EYA1: variants seen among roughly 807,000 people sequenced by gnomAD.
EYA1 encodes the protein EYA transcriptional coactivator and phosphatase 1.
Under a neutral mutation model 82.0 loss-of-function variants are expected in EYA1, and 16 were observed. The ratio of observed to expected loss-of-function variants is 0.20; its 90% CI spans 0.13 to 0.30. The LOEUF (loss-of-function observed/expected upper bound fraction) is 0.30. EYA1 is among the 10% of genes least tolerant of loss of function. The pLI is 1.00. For missense variants in EYA1, 633 were observed against 730.7 expected (o/e 0.87, Z 1.54); for synonymous variants, 261 against 264.4 (o/e 0.99, Z 0.12).
In EYA1 at chr8:71,198,784, T is replaced by C. The variant is rs553030149; in HGVS notation, c.*556A>G. ...TGCTATTGTCTCTTCAATTATTTGA[T>C]GTTTAAAAAAGTCTGGTGGGTGAAT... On this transcript the variant is annotated 3_prime_UTR_variant, in exon 18 of 18. Coordinates refer to ENST00000340726, the MANE Select transcript of EYA1 (RefSeq NM_000503.6). 2.9e-4 allele frequency: 44 copies of C among 149,832 alleles called. 1 individual carries two copies. In the South Asian group the frequency reaches 7.4e-3, roughly 25 times the overall value. 9.3% of individuals were successfully genotyped at this position (149,832 alleles called of 1,614,324 possible).
At chr8:71,353,423 A>C (rs531652352) in intron 3 of EYA1, among the ~76,000 whole-genome samples, 1 of 152,340 alleles carries the variant, frequency 6.6e-6, no homozygotes, top group South Asian at 2.1e-4. Context: ...GCCTATCAAA[A>C]TGGGAAGAAA....
At chr8:71,287,395 T>C (rs1334384195) in intron 9 of EYA1, among the ~76,000 whole-genome samples, 1 of 152,214 alleles carries the variant, frequency 6.6e-6, no homozygotes, top group Non-Finnish European at 1.5e-5. Flanking sequence ...TTGACTTCTC[T>C]ACCTGTATTC....
chr8:71,433,876 T>A (rs778245129), intron 2 of EYA1, among the ~76,000 whole-genome samples: 6 of 152,236 alleles, frequency 3.9e-5, no homozygotes, highest in Non-Finnish European at 8.8e-5. Flanking sequence ...TGATTTGTAT[T>A]TCAGTGGAAA....
At chr8:71,353,171 G>C (rs562394168) in intron 3 of EYA1, among the ~76,000 whole-genome samples, 4 of 152,340 alleles carry the variant, frequency 2.6e-5, no homozygotes, top group African/African-American at 9.6e-5. Flanking sequence ...GCCTTCTGCA[G>C]CTCCTGTCAG....
At chr8:71,380,905 A>C (rs1828665183) in intron 2 of EYA1, among the ~76,000 whole-genome samples, 1 of 152,200 alleles carries the variant, frequency 6.6e-6, no homozygotes, top group South Asian at 2.1e-4. Context: ...TCAACCTCTG[A>C]GGGCCTTGCC....
At chr8:71,494,835 T>C (rs964117957) in intron 2 of EYA1, among the ~76,000 whole-genome samples, 2 of 152,122 alleles carry the variant, frequency 1.3e-5, no homozygotes, top group Admixed American at 6.5e-5. Context: ...TGTGAATATT[T>C]TAAAGCCAAA....
intron 11 of EYA1, among the ~76,000 whole-genome samples, chr8:71,247,281 G>A (rs557622827): frequency 1.3e-4 from 20 of 152,262 alleles, no homozygotes; most frequent in South Asian, 4.1e-4. Context: ...AACAGAGTAC[G>A]TGAAATATGG....
Position 71,317,553 on chromosome 8 carries a change from T to C in EYA1, c.555A>G (p.Gln185=). ...PGQAPYSYQM[Q]GSSFTTSSGI... ...AAATAGCAATGTGTATATACAGACCTTGCATCTGGTAGCTGTATGGTGCCT... is the reference window on the plus strand; with the variant it reads ...AAATAGCAATGTGTATATACAGACCCTGCATCTGGTAGCTGTATGGTGCCT... The change falls in exon 7 of 18, where the codon CAA becomes CAG. Residue 185 remains glutamine (Q), a splice_region_variant and synonymous_variant. Coordinates refer to ENST00000340726, the MANE Select transcript of EYA1 (RefSeq NM_000503.6). The C allele has an allele frequency of 6.2e-7, 1 of 1,614,104 alleles. No individual in the cohort carries two copies. The highest frequency in any genetic ancestry group is 8.5e-7 in the Non-Finnish European group (1 of 1,179,972).
chr8:71,509,656 T>C (rs1812450601), intron 2 of EYA1, among the ~76,000 whole-genome samples: 1 of 152,200 alleles, frequency 6.6e-6, no homozygotes, highest in Non-Finnish European at 1.5e-5. Context: ...TCGGCCAATG[T>C]AAGTCAATAA....
chr8:71,240,087 T>A (rs1223401455), intron 12 of EYA1, among the ~76,000 whole-genome samples: 21 of 152,216 alleles, frequency 1.4e-4, no homozygotes, highest in Admixed American at 1.4e-3. Flanking sequence ...AAAATATTAT[T>A]GCAACTTTAA....
intron 2 of EYA1, among the ~76,000 whole-genome samples, chr8:71,377,941 T>G (rs1040785520): frequency 6.6e-6 from 1 of 152,114 alleles, no homozygotes; most frequent in Admixed American, 6.6e-5. Context: ...AACCACCTTT[T>G]GCCTCATTTT....
At chr8:71,516,399 G>C (rs1309687336) in intron 2 of EYA1, among the ~76,000 whole-genome samples, 1 of 152,100 alleles carries the variant, frequency 6.6e-6, no homozygotes, top group African/African-American at 2.4e-5. Flanking sequence ...AGGACAACTA[G>C]TTGGAGTTAC....
At chr8:71,270,609 A>C (rs1441429774) in intron 10 of EYA1, among the ~76,000 whole-genome samples, 1 of 152,222 alleles carries the variant, frequency 6.6e-6, no homozygotes, top group Non-Finnish European at 1.5e-5. Flanking sequence ...CAGCCAAAAT[A>C]ATCATGTTTT....
chr8:71,493,733 A>G (rs1811187576), intron 2 of EYA1, among the ~76,000 whole-genome samples: 1 of 151,844 alleles, frequency 6.6e-6, no homozygotes, highest in Non-Finnish European at 1.5e-5. Flanking sequence ...TCATTTTAAG[A>G]GGCTTTTTGG....
At chr8:71,217,946 A>C (rs968208910) in intron 12 of EYA1, among the ~76,000 whole-genome samples, 3 of 152,178 alleles carry the variant, frequency 2.0e-5, no homozygotes, top group African/African-American at 7.2e-5. Flanking sequence ...TGTGGGAAGA[A>C]CAGGCACTCA....
rs550978108 is a variant in EYA1, at chr8:71,222,738, CTAAA to C, written c.1141-5719_1141-5716del. On this transcript the variant is annotated intron_variant, in intron 12 of 17. Coordinates refer to ENST00000340726, the MANE Select transcript of EYA1 (RefSeq NM_000503.6). ...TATGAAAAATAAAGATTCAGAAAAG[CTAAA>C]TAATGTGAGATAAATGCTGCGATGC... Among the ~76,000 whole-genome samples the C allele has an allele frequency of 7.2e-5, 11 of 152,284 alleles. No individual in the cohort carries two copies. In the South Asian group the frequency reaches 2.1e-3, roughly 29 times the overall value.
At chr8:71,285,089 G>T (rs554151803) in intron 9 of EYA1, among the ~76,000 whole-genome samples, 6 of 152,288 alleles carry the variant, frequency 3.9e-5, no homozygotes, top group Non-Finnish European at 7.4e-5. Context: ...ATGCTCAATG[G>T]CTGGTAATGA....
intron 11 of EYA1, among the ~76,000 whole-genome samples, chr8:71,254,498 T>C (rs1814160690): frequency 6.6e-6 from 1 of 152,054 alleles, no homozygotes; most frequent in Non-Finnish European, 1.5e-5. Context: ...TTAGGAGACA[T>C]ATAATAAACT....
At chr8:71,277,168 T>C (rs185306201) in intron 9 of EYA1, among the ~76,000 whole-genome samples, 32 of 146,242 alleles carry the variant, frequency 2.2e-4, no homozygotes, top group Non-Finnish European at 3.9e-4. Flanking sequence ...AGACAGGACC[T>C]TTCTCTGTCA....
Sources: gnomAD v4.1 joint callset for allele counts (sites outside exome capture counted in the v4.1 genomes callset) on GRCh38, gnomAD v4.1.1 for gene constraint, MANE v1.5 for transcripts, NCBI Gene and HGNC (gene_info 2026-07-23, HGNC 2026-07-21) for gene names.